Variants in OSTF1 observed in about 807,000 individuals in gnomAD.
OSTF1 encodes osteoclast-stimulating factor 1.
OSTF1 carries 27 observed loss-of-function variants against 37.2 expected under a neutral mutation model. The ratio of observed to expected loss-of-function variants is 0.73; its 90% CI spans 0.54 to 1.00. The LOEUF (loss-of-function observed/expected upper bound fraction) is 1.00. Ranked by LOEUF, OSTF1 falls within the 50% of genes least tolerant of loss-of-function variation. The pLI is 0.00. For synonymous variants in OSTF1, 82 were observed against 89.2 expected (o/e 0.92, Z 0.46); for missense variants, 232 against 253.8 (o/e 0.91, Z 0.58).
chr9:75,117,506 C>T lies in OSTF1; in HGVS notation c.37C>T (p.Gln13Ter), dbSNP rs766289534. The change falls in exon 2 of 10, where the codon CAA becomes TAA. Residue 13 changes from glutamine (Q) to a stop codon, truncating the protein, a stop_gained and splice_region_variant. Transcript: ENST00000346234. LOFTEE classifies it high-confidence loss of function. ...GTTGTTTTTTCTTCCTTTTTTAGGGCAAGTTAAAGTCTTCAGAGCCCTGTA... is the reference window on the plus strand; with the variant it reads ...GTTGTTTTTTCTTCCTTTTTTAGGGTAAGTTAAAGTCTTCAGAGCCCTGTA... ...KPPPKPVKPG[Q>*]VKVFRALYTF... 6.2e-7 allele frequency: 1 copy of T among 1,608,348 alleles called. No individual in the cohort carries two copies. Among genetic ancestry groups the T allele is most frequent in the Non-Finnish European group, 8.5e-7 (1 of 1,176,218 alleles).
chr9:75,092,493 A>G (rs1331072400), intron 1 of OSTF1, among the ~76,000 whole-genome samples: 2 of 152,206 alleles, frequency 1.3e-5, no homozygotes, highest in African/African-American at 4.8e-5. Context: ...GATATTACCT[A>G]GAGTATCCCA....
chr9:75,144,640 T>C (rs1825992770), intron 9 of OSTF1, among the ~76,000 whole-genome samples: 1 of 152,290 alleles, frequency 6.6e-6, no homozygotes, highest in South Asian at 2.1e-4. Context: ...TCATCCCTTC[T>C]TCTTTTCTTT....
intron 3 of OSTF1, among the ~76,000 whole-genome samples, chr9:75,128,770 C>T (rs1315645053): frequency 6.6e-6 from 1 of 150,620 alleles, no homozygotes; most frequent in Non-Finnish European, 1.5e-5. Flanking sequence ...ATGTTGCTAA[C>T]GGATTTTCAG....
At chr9:75,130,961 G>T (rs1825753220) in intron 4 of OSTF1, among the ~76,000 whole-genome samples, 1 of 152,066 alleles carries the variant, frequency 6.6e-6, no homozygotes, top group Admixed American at 6.6e-5. Flanking sequence ...TAGTTTCTTA[G>T]ACTAGCCGTT....
chr9:75,131,989 C>T (rs1199417631), intron 5 of OSTF1, among the ~76,000 whole-genome samples, 166 bp downstream of exon 5: 3 of 152,158 alleles, frequency 2.0e-5, no homozygotes, highest in African/African-American at 7.2e-5. Flanking sequence ...TAAATCCCTG[C>T]CTTACAGTCT....
At chr9:75,142,249 C>G (rs1030534763) in intron 9 of OSTF1, among the ~76,000 whole-genome samples, 1 of 152,150 alleles carries the variant, frequency 6.6e-6, no homozygotes, top group Non-Finnish European at 1.5e-5. Context: ...GGGAAAGTAT[C>G]AGCTGAGCTG....
intron 5 of OSTF1, 95 bp downstream of exon 5, chr9:75,131,918 C>A: frequency 3.5e-6 from 3 of 845,798 alleles, no homozygotes; most frequent in South Asian, 2.9e-5. Context: ...GTAACCAACA[C>A]CCAGATCAAG....
chr9:75,133,459 G>C, intron 6 of OSTF1, 58 bp downstream of exon 6: 1 of 1,018,680 alleles, frequency 9.8e-7, no homozygotes, highest in Non-Finnish European at 1.5e-6. Context: ...TTCACCTACG[G>C]GAGCCAGATT....
At chr9:75,129,247 G>A (rs983450079) in intron 3 of OSTF1, among the ~76,000 whole-genome samples, 2 of 152,186 alleles carry the variant, frequency 1.3e-5, no homozygotes, top group East Asian at 1.9e-4. Flanking sequence ...TCATTGGTCA[G>A]CATGAGAGAA....
At chr9:75,141,926 A>T (rs1289206335) in intron 9 of OSTF1, among the ~76,000 whole-genome samples, 1 of 151,644 alleles carries the variant, frequency 6.6e-6, no homozygotes, top group Non-Finnish European at 1.5e-5. Flanking sequence ...TTTTTTTTTA[A>T]TGTAGAGATA....
At chr9:75,103,299 T>C (rs1211822067) in intron 1 of OSTF1, among the ~76,000 whole-genome samples, 1 of 152,078 alleles carries the variant, frequency 6.6e-6, no homozygotes, top group Admixed American at 6.6e-5. Flanking sequence ...ATAATAAATA[T>C]ATAAAATAAA....
intron 8 of OSTF1, among the ~76,000 whole-genome samples, chr9:75,138,965 C>T (rs1825884843): frequency 1.3e-5 from 2 of 151,122 alleles, no homozygotes; most frequent in Admixed American, 6.7e-5. Context: ...CATTATATTA[C>T]TAATTAAACA....
At chr9:75,130,885 T>C (rs1395103024) in intron 4 of OSTF1, among the ~76,000 whole-genome samples, 1 of 152,184 alleles carries the variant, frequency 6.6e-6, no homozygotes, top group Non-Finnish European at 1.5e-5. Flanking sequence ...AGGAAACACT[T>C]ATGGTTTTAC....
chr9:75,139,647 T>G (rs1825908096), intron 8 of OSTF1, among the ~76,000 whole-genome samples: 1 of 152,224 alleles, frequency 6.6e-6, no homozygotes, highest in East Asian at 1.9e-4. Flanking sequence ...GGTCTTGAAC[T>G]CCTGACCTCA....
chr9:75,103,715 C>T (rs1013086017), intron 1 of OSTF1, among the ~76,000 whole-genome samples: 2 of 152,192 alleles, frequency 1.3e-5, no homozygotes, highest in Non-Finnish European at 2.9e-5. Context: ...CTCACTGCAG[C>T]TTCCACTGCC....
chr9:75,089,548 A>G (rs889075197), intron 1 of OSTF1, among the ~76,000 whole-genome samples: 8 of 152,230 alleles, frequency 5.3e-5, no homozygotes, highest in African/African-American at 1.4e-4. Context: ...AAGTTGTAAC[A>G]TACTGTTCCG....
chr9:75,107,577 T>C (rs182349942), intron 1 of OSTF1, among the ~76,000 whole-genome samples: 10 of 152,352 alleles, frequency 6.6e-5, no homozygotes, highest in Non-Finnish European at 1.3e-4. Context: ...TAGGAAAATA[T>C]TCTTTATAGA....
chr9:75,109,470 C>T (rs1030507554), intron 1 of OSTF1, among the ~76,000 whole-genome samples: 7 of 152,156 alleles, frequency 4.6e-5, no homozygotes, highest in African/African-American at 1.7e-4. Context: ...TGTCCATGCC[C>T]AATAAGACAA....
chr9:75,145,335 C>A (rs984210474), intron 9 of OSTF1, among the ~76,000 whole-genome samples: 11 of 152,170 alleles, frequency 7.2e-5, no homozygotes, highest in Non-Finnish European at 1.6e-4. Flanking sequence ...ACCTACCTAT[C>A]TACCTACCTA....
Sources: allele counts gnomAD v4.1 joint callset (sites outside exome capture counted in the v4.1 genomes callset), GRCh38; gene constraint gnomAD v4.1.1; transcripts MANE v1.5; gene names NCBI Gene and HGNC (gene_info 2026-07-23, HGNC 2026-07-21).